The following TULP4 variants were observed in gnomAD, a reference collection of about 807,000 sequenced individuals.
TULP4 encodes the protein TUB like protein 4, also known as tubby-related protein 4.
A neutral mutation model predicts 129.0 loss-of-function variants in TULP4; 16 were observed. The observed-to-expected ratio is 0.12, with a 90% confidence interval of 0.08 to 0.19. The LOEUF is 0.19. TULP4 is among the 10% of genes least tolerant of loss of function. TULP4 has a pLI of 1.00. For synonymous variants in TULP4, 998 were observed against 854.0 expected (o/e 1.17, Z -2.94); for missense variants, 1,842 against 2,059.1 (o/e 0.89, Z 2.04).
At chr6:158,319,112 C>T (rs565228239) in intron 1 of TULP4, among the ~76,000 whole-genome samples, 2 of 152,078 alleles carry the variant, frequency 1.3e-5, no homozygotes, top group Non-Finnish European at 2.9e-5. Flanking sequence ...ATGGCAAGAC[C>T]TGGCCTGGAC....
At chr6:158,351,642 A>G (rs113059211) in intron 1 of TULP4, among the ~76,000 whole-genome samples, 1,941 of 147,360 alleles carry the variant, frequency 0.013, 44 homozygotes, top group African/African-American at 0.047. Flanking sequence ...GGGATTGTCT[A>G]TATTGACAAA....
intron 1 of TULP4, among the ~76,000 whole-genome samples, chr6:158,249,133 GC>G (rs1489475725): frequency 2.0e-5 from 3 of 151,014 alleles, no homozygotes; most frequent in African/African-American, 7.3e-5. Flanking sequence ...CATAGGAGAA[GC>G]CCATAAGATG....
At chr6:158,380,234 G>A (rs1325300267) in intron 1 of TULP4, among the ~76,000 whole-genome samples, 2 of 152,092 alleles carry the variant, frequency 1.3e-5, no homozygotes, top group Non-Finnish European at 2.9e-5. Flanking sequence ...AGTATACTTT[G>A]AGGCTCTCCA....
At position 158,502,424 on chromosome 6, in the gene TULP4, A is replaced by G; in HGVS notation, c.2761A>G (p.Ser921Gly). Reference sequence around the variant, plus strand: ...CACGTACACCCTCCCCGGCCCGGGTAGCTCTGCCACCTTGAGGCTCACGGC... The same window carrying G: ...CACGTACACCCTCCCCGGCCCGGGTGGCTCTGCCACCTTGAGGCTCACGGC... ...QNTYTLPGPG[S>G]SATLRLTATE... Residue 921 changes from serine to glycine, a missense_variant, in exon 13 of 14, where the codon AGC (serine) becomes GGC (glycine). Ser to Gly is a moderately conservative substitution (Grantham distance 56, BLOSUM62 0). Coordinates refer to ENST00000367097, the MANE Select transcript of TULP4 (RefSeq NM_020245.5). 1 of 1,613,104 alleles carries G rather than the reference A, an allele frequency of 6.2e-7. No homozygotes were observed. Among genetic ancestry groups the G allele is most frequent in the South Asian group, 1.1e-5 (1 of 91,032 alleles).
At chr6:158,330,855 T>C (rs1454979125) in intron 1 of TULP4, among the ~76,000 whole-genome samples, 2 of 152,252 alleles carry the variant, frequency 1.3e-5, no homozygotes, top group African/African-American at 4.8e-5. Context: ...TTTAGAAGAA[T>C]GCTCCTCTTT....
intron 1 of TULP4, among the ~76,000 whole-genome samples, chr6:158,266,311 C>T (rs867784932): frequency 1.2e-4 from 18 of 152,156 alleles, no homozygotes; most frequent in Non-Finnish European, 2.2e-4. Context: ...GGCCGGAGGG[C>T]GGTGATGCAG....
At chr6:158,319,109 G>A (rs1300774002) in intron 1 of TULP4, among the ~76,000 whole-genome samples, 1 of 152,100 alleles carries the variant, frequency 6.6e-6, no homozygotes. Context: ...TCAATGGCAA[G>A]ACCTGGCCTG....
At chr6:158,499,437 A>G (rs549660595) in intron 12 of TULP4, among the ~76,000 whole-genome samples, 4 of 152,364 alleles carry the variant, frequency 2.6e-5, no homozygotes, top group South Asian at 4.1e-4. Context: ...TATCCATAGC[A>G]TCTTAAGTTA....
intron 1 of TULP4, among the ~76,000 whole-genome samples, chr6:158,347,087 C>A (rs182424336): frequency 6.6e-6 from 1 of 152,108 alleles, no homozygotes; most frequent in East Asian, 1.9e-4. Context: ...GACAGAAATC[C>A]GTACTTGCCT....
chr6:158,277,781 G>A (rs1778673235), upstream of TULP4, among the ~76,000 whole-genome samples: 1 of 152,198 alleles, frequency 6.6e-6, no homozygotes, highest in African/African-American at 2.4e-5. Context: ...TTGAGATGAT[G>A]TCCTTCAGTG....
Position 158,413,496 on chromosome 6 carries a change from T to C in TULP4, c.381+303T>C, listed in dbSNP as rs778488292. Among the ~76,000 whole-genome samples the C allele has an allele frequency of 6.6e-6, 1 of 152,194 alleles. No individual in the cohort carries two copies. Among genetic ancestry groups the C allele is most frequent in the Non-Finnish European group, 1.5e-5 (1 of 68,026 alleles). On this transcript the variant is annotated intron_variant, in intron 2 of 13. Transcript: ENST00000367097. The surrounding 1 kb of genome is among the most constrained non-coding windows in gnomAD (Gnocchi z 4.9). The stretch of plus-strand genomic sequence containing the variant: ...TCAGTGTTGTGATTCCATGTTAAAT[T>C]TGGGGCCTCTGGCATATCACTGTTT...
At chr6:158,257,392 T>C (rs1164723468) in intron 1 of TULP4, among the ~76,000 whole-genome samples, 1 of 152,206 alleles carries the variant, frequency 6.6e-6, no homozygotes, top group Non-Finnish European at 1.5e-5. Context: ...TCTTATGATG[T>C]GTCTTTTTAA....
rs762671820 is a variant in TULP4, at chr6:158,479,822, C to T, written c.1098C>T (p.Tyr366=). 45 of 1,614,060 alleles carry T rather than the reference C, an allele frequency of 2.8e-5. No homozygotes were observed. The highest frequency in any genetic ancestry group is 2.7e-5 in the African/African-American group (2 of 74,938). Reference sequence around the variant, plus strand: ...TGATGGCATCAGGACCAGCCCTGTACGTGGTGCGTGTGGAGCACCGGGTGT... The same window carrying T: ...TGATGGCATCAGGACCAGCCCTGTATGTGGTGCGTGTGGAGCACCGGGTGT... ...RLLMASGPAL[Y]VVRVEHRVSS... Residue 366 remains tyrosine (Y), a synonymous_variant, in exon 7 of 14, where the codon TAC becomes TAT. Transcript: ENST00000367097.
At chr6:158,342,498 A>T (rs1780204668) in intron 1 of TULP4, among the ~76,000 whole-genome samples, 1 of 152,216 alleles carries the variant, frequency 6.6e-6, no homozygotes, top group Non-Finnish European at 1.5e-5. Context: ...CACGTGCCTG[A>T]TCCATTCAGA....
chr6:158,443,234 G>A (rs149541263), intron 3 of TULP4, among the ~76,000 whole-genome samples: 43 of 151,974 alleles, frequency 2.8e-4, no homozygotes, highest in African/African-American at 7.2e-4. Flanking sequence ...TGCCCGCCTC[G>A]GCCTCCCAAA....
At chr6:158,385,937 T>C (rs1355983617) in intron 1 of TULP4, among the ~76,000 whole-genome samples, 3 of 146,952 alleles carry the variant, frequency 2.0e-5, no homozygotes, top group African/African-American at 5.0e-5. Flanking sequence ...CTTGAACTCC[T>C]AAGCTCAAGC....
upstream of TULP4, among the ~76,000 whole-genome samples, chr6:158,309,503 G>A (rs1404364427): frequency 6.6e-4 from 100 of 152,072 alleles, no homozygotes; most frequent in African/African-American, 2.3e-3. Flanking sequence ...GCCGGGCAGA[G>A]GCTGCACTCT....
chr6:158,349,203 C>T (rs1780415176), intron 1 of TULP4, among the ~76,000 whole-genome samples: 1 of 147,506 alleles, frequency 6.8e-6, no homozygotes, highest in South Asian at 2.2e-4. Flanking sequence ...CTCCTCACCT[C>T]TCAGACGGGG....
At position 158,489,629 on chromosome 6, in the gene TULP4, A is replaced by G. The variant is rs1391207193; in HGVS notation, c.1528A>G (p.Ser510Gly). 1 of 1,614,242 alleles carries G rather than the reference A, an allele frequency of 6.2e-7. No individual in the cohort carries two copies. Residue 510 changes from serine (S) to glycine (G), a missense_variant, in exon 9 of 14, where the codon AGC becomes GGC. Ser to Gly is a moderately conservative substitution (Grantham distance 56). This residue lies in a region of TULP4 where 456 missense variants were observed against 534.3 expected (regional missense o/e 0.85). Transcript: ENST00000367097. The part of the protein sequence containing the change: ...GNSLISTVID[S>G]CNCSDSSDIE... ...CAGCTTGATTTCTACTGTGATCGAC[A>G]GCTGCAACTGCTCAGACTCCAGTGA... is the stretch of plus-strand genomic sequence containing the variant.
Sources: gnomAD v4.1 joint callset for allele counts (sites outside exome capture counted in the v4.1 genomes callset) on GRCh38, gnomAD v4.1.1 for gene constraint, gnomAD v4.1.1 regional missense constraint, Gnocchi (gnomAD v3.1) non-coding constraint, MANE v1.5 for transcripts, NCBI Gene and HGNC (gene_info 2026-07-23, HGNC 2026-07-21) for gene names.